UBAP2: variants seen among roughly 807,000 people sequenced by gnomAD.
UBAP2 encodes ubiquitin associated protein 2.
In UBAP2, 75 loss-of-function variants were observed where a neutral mutation model predicts 139.6. The observed-to-expected ratio is 0.54, with a 90% CI of 0.45 to 0.65. The LOEUF (loss-of-function observed/expected upper bound fraction) is 0.65, where lower values mean the gene tolerates loss of function less well. Among genes scored for constraint, UBAP2 ranks in the 30% least tolerant of loss-of-function variants. UBAP2 has a pLI of 0.00. For missense variants in UBAP2, 1,368 were observed against 1,369.6 expected (o/e 1.00, Z 0.02); for synonymous variants, 526 against 526.2 (o/e 1.00, Z 0.01).
intron 1 of UBAP2, among the ~76,000 whole-genome samples, chr9:34,017,557 T>C (rs543720647): frequency 6.6e-6 from 1 of 152,296 alleles, no homozygotes; most frequent in South Asian, 2.1e-4. Flanking sequence ...TACCTGCCAA[T>C]AGCCCAATTT....
intron 1 of UBAP2, among the ~76,000 whole-genome samples, chr9:34,031,328 T>C (rs756879363): frequency 8.7e-4 from 132 of 151,530 alleles, no homozygotes; most frequent in Non-Finnish European, 1.5e-3. Flanking sequence ...ACCCCGTCTC[T>C]ACTGAAAATA....
intron 1 of UBAP2, among the ~76,000 whole-genome samples, chr9:34,027,034 CTGGTATA>C (rs1332379102): frequency 6.6e-6 from 1 of 152,170 alleles, no homozygotes; most frequent in African/African-American, 2.4e-5. Flanking sequence ...ATGTTCTATA[CTGGTATA>C]TTTCTGTGAC....
At position 34,018,634 on chromosome 9, in the gene UBAP2, C is replaced by T. The variant is rs564117861; in HGVS notation, c.-41-1445G>A. On this transcript the variant is annotated intron_variant, in intron 1 of 28. Coordinates refer to ENST00000379238, the MANE Select transcript of UBAP2 (RefSeq NM_001370062.2). ...ATCCCAGCACTTTGGGAGGCCAAGG[C>T]GGGAGGACCACAAGGTCAGGAGATC... Among the ~76,000 whole-genome samples, 45 of 152,230 alleles carry T rather than the reference C, an allele frequency of 3.0e-4. No homozygotes were observed. In the South Asian group the frequency reaches 3.5e-3, roughly 12 times the overall value.
chr9:34,013,668 G>A (rs564876422), intron 2 of UBAP2, among the ~76,000 whole-genome samples: 2 of 151,972 alleles, frequency 1.3e-5, no homozygotes, highest in South Asian at 4.2e-4. Flanking sequence ...CCTGAGGTCA[G>A]AAGTTTGAAA....
At chr9:33,986,710 G>A (rs745552999) in intron 6 of UBAP2, 50 bp downstream of exon 6, 2 of 1,507,342 alleles carry the variant, frequency 1.3e-6, no homozygotes, top group Non-Finnish European at 1.8e-6. Flanking sequence ...GCAACTGCCT[G>A]CTTCTTCCCC....
rs1157213346 is a variant in UBAP2, at chr9:33,981,514, C to A, written c.520+5246G>T. 4.8e-5 allele frequency among the ~76,000 whole-genome samples: 7 copies of A among 145,610 alleles called. No homozygotes were observed. The East Asian group carries it at 1.2e-3, about 25-fold the overall frequency. The stretch of plus-strand genomic sequence containing the variant: ...GGGACTACAGATGCACATCATCATG[C>A]CCGGCTAATTTTTTTTTTTTTAAAC... On this transcript the variant is annotated intron_variant, in intron 6 of 28. Transcript: ENST00000379238.
At chr9:34,018,832 C>T (rs898389851) in intron 1 of UBAP2, among the ~76,000 whole-genome samples, 2 of 151,834 alleles carry the variant, frequency 1.3e-5, no homozygotes, top group Middle Eastern at 6.3e-3. Flanking sequence ...CACTGCGCTC[C>T]AGCCTGGGCA....
chr9:33,927,310 GC>G (rs1483229987), intron 20 of UBAP2, among the ~76,000 whole-genome samples: 1 of 152,124 alleles, frequency 6.6e-6, no homozygotes, highest in East Asian at 1.9e-4. Context: ...CCAGACAAAA[GC>G]AGCCCCTTTC....
chr9:34,045,749 A>C (rs1247483748), intron 1 of UBAP2, among the ~76,000 whole-genome samples: 1 of 152,168 alleles, frequency 6.6e-6, no homozygotes, highest in Non-Finnish European at 1.5e-5. Context: ...TATCAGCATA[A>C]GTGGTTTACA....
rs773576049 is a variant in UBAP2 at position 33,922,480 on chromosome 9, C to T, written c.*24G>A. 5.0e-6 allele frequency: 8 copies of T among 1,609,320 alleles called. No homozygotes were observed. Among genetic ancestry groups the T allele is most frequent in the Non-Finnish European group, 6.8e-6 (8 of 1,177,508 alleles). On this transcript the variant is annotated 3_prime_UTR_variant, in exon 29 of 29. Transcript: ENST00000379238. ...TCTCCTGCCCAGGATAAGCCTTGCCCCAGCCCACCCCTCTCTTCTGGGTTT... is the reference window on the plus strand; with the variant it reads ...TCTCCTGCCCAGGATAAGCCTTGCCTCAGCCCACCCCTCTCTTCTGGGTTT...
At chr9:34,045,918 C>A (rs141478082) in intron 1 of UBAP2, among the ~76,000 whole-genome samples, 1 of 152,120 alleles carries the variant, frequency 6.6e-6, no homozygotes. Flanking sequence ...TCTTTGCCTT[C>A]CTTCAGGTTG....
At chr9:34,026,326 G>A (rs371780113) in intron 1 of UBAP2, among the ~76,000 whole-genome samples, 1 of 152,176 alleles carries the variant, frequency 6.6e-6, no homozygotes, top group Non-Finnish European at 1.5e-5. Context: ...AAGTATCTCA[G>A]CTACTACATC....
At chr9:33,947,675 A>G (rs2130949408) in intron 13 of UBAP2, among the ~76,000 whole-genome samples, 1 of 151,968 alleles carries the variant, frequency 6.6e-6, no homozygotes, top group African/African-American at 2.4e-5. Flanking sequence ...ATACAAAAAA[A>G]TCAGCCAGGA....
intron 4 of UBAP2, among the ~76,000 whole-genome samples, chr9:33,994,084 T>C (rs1821947131): frequency 6.6e-6 from 1 of 151,994 alleles, no homozygotes; most frequent in African/African-American, 2.4e-5. Context: ...TTAGTAGACA[T>C]GGGGTTTCGC....
In UBAP2 at chr9:33,943,586, G is replaced by T; in HGVS notation, c.1549C>A (p.Pro517Thr). 1 of 1,613,780 alleles carries T rather than the reference G, an allele frequency of 6.2e-7. No homozygotes were observed. Among genetic ancestry groups the T allele is most frequent in the Non-Finnish European group, 8.5e-7 (1 of 1,179,912 alleles). The change falls in exon 15 of 29, where the codon CCA (proline) becomes ACA (threonine). Residue 517 changes from proline (P) to threonine (T), a missense_variant. Physicochemically the swap from Pro to Thr is conservative, Grantham distance 38. Coordinates refer to ENST00000379238, the MANE Select transcript of UBAP2 (RefSeq NM_001370062.2). ...CCAGGCATTTCCACTGCAGAAGCTGGGATCTGAAAAAGCAAAGCTGTCGTG... is the reference window on the plus strand; with the variant it reads ...CCAGGCATTTCCACTGCAGAAGCTGTGATCTGAAAAAGCAAAGCTGTCGTG... ...KRRIPPASKI[P>T]ASAVEMPGSA...
In UBAP2 at chr9:33,923,002, T is replaced by C; in HGVS notation, c.3036A>G (p.Leu1012=). ...GVSVSSSTTG[L]PDMTGSVYNK... ...TGTAGACAGAACCAGTCATATCAGG[T>C]AGACCAGTGGTGCTTGAAGACACTG... Residue 1012 remains leucine, a synonymous_variant, in exon 27 of 29, where the codon CTA becomes CTG. Coordinates refer to ENST00000379238, the MANE Select transcript of UBAP2 (RefSeq NM_001370062.2). The C allele has an allele frequency of 6.2e-7, 1 of 1,614,152 alleles. No individual in the cohort carries two copies. Among genetic ancestry groups the C allele is most frequent in the Non-Finnish European group, 8.5e-7 (1 of 1,180,024 alleles).
intron 18 of UBAP2, 131 bp from the exon 19 acceptor site, chr9:33,932,759 C>A: frequency 2.2e-6 from 2 of 921,036 alleles, no homozygotes; most frequent in Non-Finnish European, 1.6e-6. Context: ...CAGACCCATC[C>A]TCATTCCTTA....
intron 1 of UBAP2, among the ~76,000 whole-genome samples, chr9:34,038,233 G>C (rs1042383158): frequency 5.9e-5 from 9 of 151,536 alleles, no homozygotes; most frequent in Non-Finnish European, 1.0e-4. Context: ...GGAAGATCAT[G>C]AGGTCAGGAG....
intron 16 of UBAP2, among the ~76,000 whole-genome samples, chr9:33,938,519 G>A (rs764937607): frequency 8.5e-5 from 13 of 152,112 alleles, no homozygotes; most frequent in African/African-American, 2.9e-4. Flanking sequence ...GTCATTGGCC[G>A]GGCGTGGTGG....
Sources: gnomAD v4.1 joint callset for allele counts (sites outside exome capture counted in the v4.1 genomes callset) on GRCh38, gnomAD v4.1.1 for gene constraint, MANE v1.5 for transcripts, NCBI Gene and HGNC (gene_info 2026-07-23, HGNC 2026-07-21) for gene names.